Variants in SH3KBP1 observed in about 807,000 individuals in gnomAD.
SH3KBP1 encodes SH3 domain containing kinase binding protein 1, also known as SH3 domain-containing kinase-binding protein 1.
Under a neutral mutation model 50.1 loss-of-function variants are expected in SH3KBP1, and 8 were observed. The ratio of observed to expected loss-of-function variants is 0.16; its 90% CI spans 0.09 to 0.29. SH3KBP1 has a LOEUF of 0.29. SH3KBP1 is among the 10% of genes least tolerant of loss of function. The pLI is 1.00. For synonymous variants in SH3KBP1, 227 were observed against 218.6 expected (o/e 1.04, Z -0.34); for missense variants, 377 against 535.2 (o/e 0.70, Z 2.92).
intron 4 of SH3KBP1, among the ~76,000 whole-genome samples, chrX:19,703,845 T>C (rs2063587915): frequency 9.1e-6 from 1 of 110,013 alleles, no homozygotes; most frequent in South Asian, 3.9e-4. Context: ...ATTTTATTAA[T>C]AGATTAATCC....
intron 5 of SH3KBP1, among the ~76,000 whole-genome samples, chrX:19,692,667 G>A (rs376484710): frequency 0.15 from 12,092 of 81,964 alleles, 1,078 homozygotes; most frequent in African/African-American, 0.29. Flanking sequence ...GTGTGTGTGT[G>A]TGTATGTATA....
At chrX:19,852,551 G>A (rs777166410) in intron 1 of SH3KBP1, among the ~76,000 whole-genome samples, 40 of 105,340 alleles carry the variant, frequency 3.8e-4, no homozygotes, top group African/African-American at 1.3e-3. Context: ...CTCAAAGTCC[G>A]TCTTCTTGCC....
intron 2 of SH3KBP1, 147 bp from the exon 3 acceptor site, chrX:19,746,588 A>T: frequency 1.7e-6 from 1 of 575,385 alleles, no homozygotes; most frequent in Non-Finnish European, 2.7e-6. Context: ...CATTTTCTGT[A>T]TCTTTGTAGT....
chrX:19,773,184 A>G (rs185017411), intron 2 of SH3KBP1, among the ~76,000 whole-genome samples: 13 of 111,413 alleles, frequency 1.2e-4, no homozygotes, highest in Admixed American at 6.6e-4. Flanking sequence ...AGGTAGCCTT[A>G]GTAGCTGTGT....
chrX:19,690,566 G>C (rs909454355), intron 5 of SH3KBP1, among the ~76,000 whole-genome samples: 6 of 111,615 alleles, frequency 5.4e-5, no homozygotes, highest in African/African-American at 2.0e-4. Context: ...TAAAAAACAG[G>C]GACACTTTTA....
intron 6 of SH3KBP1, among the ~76,000 whole-genome samples, chrX:19,658,186 T>C (rs2062343559): frequency 8.9e-6 from 1 of 112,078 alleles, no homozygotes; most frequent in Non-Finnish European, 1.9e-5. Context: ...ATACTTAAGA[T>C]TCGACCACAA....
At chrX:19,879,339 G>A (rs1237485854) in intron 1 of SH3KBP1, among the ~76,000 whole-genome samples, 1 of 112,165 alleles carries the variant, frequency 8.9e-6, no homozygotes, top group Non-Finnish European at 1.9e-5. Context: ...AGCACCTACA[G>A]AAATTGGGCG....
At chrX:19,746,120 T>G (rs1027659670) in intron 3 of SH3KBP1, among the ~76,000 whole-genome samples, 198 bp downstream of exon 3, 12 of 113,052 alleles carry the variant, frequency 1.1e-4, no homozygotes, top group African/African-American at 3.9e-4. Context: ...AAAAATATTT[T>G]TATTAGTTCC....
chrX:19,536,579 G>A (rs1212430524), intron 17 of SH3KBP1, 121 bp from the exon 18 acceptor site: 1 of 438,639 alleles, frequency 2.3e-6, no homozygotes, highest in Non-Finnish European at 4.0e-6. Context: ...TTTTAAAGGT[G>A]ACATGACATC....
chrX:19,687,683 T>C (rs1447475125), intron 5 of SH3KBP1: 50 of 1,200,633 alleles, frequency 4.2e-5, no homozygotes, highest in Non-Finnish European at 5.3e-5. Context: ...CCTTCAAAGG[T>C]AGTCTTTCCT....
In SH3KBP1 at chrX:19,541,911, C is replaced by T. The variant is rs7064946; in HGVS notation, c.1892+14G>A. The T allele has an allele frequency of 6.2e-3, 7,442 of 1,196,833 alleles. 173 individuals carry two copies. The African/African-American group carries it at 0.086, about 14-fold the overall frequency. ...AACCTGGGTGACGGCCCCCAAGAGT[C>T]CCCAGGCACTCACTTCTGCTGGTCC... On this transcript the variant is annotated intron_variant, in intron 16 of 17. Transcript: ENST00000397821.
intron 3 of SH3KBP1, among the ~76,000 whole-genome samples, chrX:19,728,797 TATA>T (rs1248706512): frequency 8.9e-6 from 1 of 112,022 alleles, no homozygotes; most frequent in African/African-American, 3.3e-5. Flanking sequence ...GAGGACTCTA[TATA>T]AACAGTACCA....
intron 6 of SH3KBP1, chrX:19,670,838 G>GAAAAAAAAAA: frequency 1.3e-6 from 1 of 767,819 alleles, no homozygotes; most frequent in Non-Finnish European, 1.7e-6. Flanking sequence ...AACTCTAAAA[G>GAAAAAAAAAA]CAAAAAAAAA....
chrX:19,823,519 C>G (rs1229460277), intron 2 of SH3KBP1, among the ~76,000 whole-genome samples: 5 of 112,150 alleles, frequency 4.5e-5, no homozygotes, highest in African/African-American at 1.3e-4. Context: ...ACCCCTCCCT[C>G]TTCAAAGCAG....
intron 7 of SH3KBP1, among the ~76,000 whole-genome samples, chrX:19,642,618 C>G (rs940896944): frequency 9.8e-5 from 11 of 111,804 alleles, no homozygotes; most frequent in African/African-American, 3.6e-4. Flanking sequence ...GGCTATTTTT[C>G]TATCCCACAG....
intron 5 of SH3KBP1, chrX:19,695,089 G>A (rs755561728): frequency 2.7e-6 from 3 of 1,121,030 alleles, no homozygotes; most frequent in South Asian, 1.9e-5. Flanking sequence ...TGTCACCATC[G>A]TAGAAGGACA....
At chrX:19,650,885 G>A (rs1468225729) in intron 6 of SH3KBP1, among the ~76,000 whole-genome samples, 1 of 111,470 alleles carries the variant, frequency 9.0e-6, no homozygotes, top group African/African-American at 3.3e-5. Context: ...CAGTTATCCT[G>A]AATCCTGCTC....
At chrX:19,665,600 C>T (rs1423240884) in intron 6 of SH3KBP1, among the ~76,000 whole-genome samples, 2 of 111,863 alleles carry the variant, frequency 1.8e-5, no homozygotes, top group African/African-American at 6.5e-5. Flanking sequence ...TATGGCTATA[C>T]ATTTATTTGG....
Position 19,638,267 on chromosome X carries a change from G to A in SH3KBP1, c.803-6309C>T, listed in dbSNP as rs1045733701. On this transcript the variant is annotated intron_variant, in intron 7 of 17. Transcript: ENST00000397821. ...CCACTAAAAATACAAAAAATTAGCC[G>A]GGCACGGTGGCGGGCGTCTGTAGTC... 1.4e-4 allele frequency among the ~76,000 whole-genome samples: 15 copies of A among 109,573 alleles called. No homozygotes were observed. In the East Asian group the frequency reaches 1.7e-3, roughly 12 times the overall value.
Sources: gnomAD v4.1 joint callset for allele counts (sites outside exome capture counted in the v4.1 genomes callset) on GRCh38, gnomAD v4.1.1 for gene constraint, MANE v1.5 for transcripts, NCBI Gene and HGNC (gene_info 2026-07-23, HGNC 2026-07-21) for gene names.